Variants in USP32 observed in about 807,000 individuals in gnomAD.
USP32 encodes ubiquitin specific peptidase 32, also known as ubiquitin carboxyl-terminal hydrolase 32.
Under a neutral mutation model 204.8 loss-of-function variants are expected in USP32, and 59 were observed. The ratio of observed to expected loss-of-function variants is 0.29; its 90% CI spans 0.23 to 0.36. The LOEUF is 0.36. Among genes scored for constraint, USP32 ranks in the 10% least tolerant of loss-of-function variants. USP32 has a pLI of 1.00. For synonymous variants in USP32, 517 were observed against 678.4 expected (o/e 0.76, Z 3.70); for missense variants, 1,160 against 1,946.4 (o/e 0.60, Z 7.60).
chr17:60,190,824 T>G, intron 28 of USP32, 141 bp from the exon 29 acceptor site: 1 of 1,205,160 alleles, frequency 8.3e-7, no homozygotes, highest in Non-Finnish European at 1.1e-6. Context: ...AACTTCAGAC[T>G]CTGATAAATG....
intron 3 of USP32, among the ~76,000 whole-genome samples, chr17:60,295,085 C>G (rs1262533218): frequency 1.3e-5 from 2 of 152,068 alleles, no homozygotes; most frequent in Non-Finnish European, 2.9e-5. Flanking sequence ...AATAGGAGCA[C>G]AAATTATTGC....
chr17:60,366,706 T>A (rs966201742), intron 1 of USP32, among the ~76,000 whole-genome samples: 3 of 151,152 alleles, frequency 2.0e-5, no homozygotes, highest in Non-Finnish European at 4.4e-5. Context: ...CTTGAGACCA[T>A]CCTGGGAAAC....
chr17:60,226,136 A>G lies in USP32; in HGVS notation c.1335T>C (p.Asp445=). Residue 445 remains aspartate (D), a synonymous_variant, in exon 13 of 34, where the codon GAT becomes GAC. Coordinates refer to ENST00000300896, the MANE Select transcript of USP32 (RefSeq NM_032582.4). The part of the protein sequence containing the change: ...TAAHPMEQVE[D]RIGSSLSYVN... Reference sequence around the variant, plus strand: ...CGTAACTGAGGCTGCTTCCAATTCTATCTTCGACCTGCTCCATAGGATGGG... The same window carrying G: ...CGTAACTGAGGCTGCTTCCAATTCTGTCTTCGACCTGCTCCATAGGATGGG... 3 of 1,608,164 alleles carry G rather than the reference A, an allele frequency of 1.9e-6. No individual in the cohort carries two copies. Among genetic ancestry groups the G allele is most frequent in the Non-Finnish European group, 2.5e-6 (3 of 1,177,992 alleles).
intron 11 of USP32, among the ~76,000 whole-genome samples, chr17:60,251,685 C>T (rs1425052930): frequency 2.6e-5 from 4 of 152,058 alleles, no homozygotes; most frequent in African/African-American, 9.7e-5. Context: ...ATATGCATAC[C>T]TTTGTTTTTT....
At chr17:60,236,305 T>A in intron 11 of USP32, 65 bp from the exon 12 acceptor site, 1 of 1,368,144 alleles carries the variant, frequency 7.3e-7, no homozygotes. Flanking sequence ...CGCACAAAAA[T>A]TATCATTAGA....
Position 60,243,838 on chromosome 17 carries a change from A to G in USP32, c.1137-7598T>C, listed in dbSNP as rs533263786. 4.6e-5 allele frequency among the ~76,000 whole-genome samples: 7 copies of G among 152,174 alleles called. No homozygotes were observed. In the East Asian group the frequency reaches 1.4e-3, roughly 29 times the overall value. ...GCTGAAGGGTTCTGTTGGTGGGTGCATATATCATCATTTATCATAATAAAA... is the reference window on the plus strand; with the variant it reads ...GCTGAAGGGTTCTGTTGGTGGGTGCGTATATCATCATTTATCATAATAAAA... On this transcript the variant is annotated intron_variant, in intron 11 of 33. Transcript: ENST00000300896.
intron 6 of USP32, among the ~76,000 whole-genome samples, chr17:60,270,087 G>T (rs964332): frequency 0.067 from 10,239 of 152,122 alleles, 1,213 homozygotes; most frequent in African/African-American, 0.23. Flanking sequence ...TTGTACTGTT[G>T]AATCTTTTAT....
chr17:60,249,852 T>C, intron 11 of USP32: 2 of 350,392 alleles, frequency 5.7e-6, no homozygotes, highest in East Asian at 1.1e-4. Context: ...ATCACGATAC[T>C]TTTTTTTTTT....
chr17:60,274,420 T>C (rs754769171), intron 5 of USP32, among the ~76,000 whole-genome samples: 2 of 152,082 alleles, frequency 1.3e-5, no homozygotes, highest in Non-Finnish European at 2.9e-5. Flanking sequence ...GAAAACTATA[T>C]TCCCACAGAT....
Position 60,280,089 on chromosome 17 carries a change from GTTA to G in USP32, c.571+8431_571+8433del, listed in dbSNP as rs374214644. ...CTAAAATCTTGGGTAAATTGAGTAA[GTTA>G]TTATTATTATTATTATTTTTTGAGA... On this transcript the variant is annotated intron_variant, in intron 5 of 33. Transcript: ENST00000300896. Among the ~76,000 whole-genome samples the G allele has an allele frequency of 2.4e-4, 36 of 151,554 alleles. No homozygotes were observed. The South Asian group carries it at 4.6e-3, about 19-fold the overall frequency.
chr17:60,398,493 TAGAA>T (rs1183058156), intron 1 of USP32, among the ~76,000 whole-genome samples: 4 of 152,168 alleles, frequency 2.6e-5, no homozygotes. Flanking sequence ...CTGGGTTTCT[TAGAA>T]AGAGGAAGGA....
chr17:60,370,591 C>A lies in USP32; in HGVS notation c.58+21291G>T, dbSNP rs141841872. Reference sequence around the variant, plus strand: ...GCATGGGCAACATGGCAAAACCCTGCCTCTACAAAAAAAAATACAAAAAAA... The same window carrying A: ...GCATGGGCAACATGGCAAAACCCTGACTCTACAAAAAAAAATACAAAAAAA... On this transcript the variant is annotated intron_variant, in intron 1 of 33. Coordinates refer to ENST00000300896, the MANE Select transcript of USP32 (RefSeq NM_032582.4). Among the ~76,000 whole-genome samples the A allele has an allele frequency of 9.5e-3, 1,431 of 151,262 alleles. 32 individuals are homozygous for A. The highest frequency in any genetic ancestry group is 0.033 in the African/African-American group (1,376 of 41,226).
chr17:60,358,444 G>A (rs996044496), intron 1 of USP32, among the ~76,000 whole-genome samples: 1 of 151,872 alleles, frequency 6.6e-6, no homozygotes, highest in Non-Finnish European at 1.5e-5. Context: ...GTGTGGTGGC[G>A]GGTACCTGTA....
chr17:60,302,075 G>A (rs951853216), intron 2 of USP32, among the ~76,000 whole-genome samples: 13 of 152,006 alleles, frequency 8.6e-5, no homozygotes, highest in Admixed American at 8.5e-4. Flanking sequence ...GAAGGCTAAT[G>A]TAAGTGTTCT....
intron 7 of USP32, among the ~76,000 whole-genome samples, chr17:60,267,998 A>G (rs1011735387): frequency 4.0e-5 from 6 of 151,702 alleles, no homozygotes; most frequent in African/African-American, 1.5e-4. Flanking sequence ...TTTAGCCGAG[A>G]CTATGTTTCG....
At chr17:60,392,224 T>G, upstream of USP32, 7 of 399,302 alleles carry the variant, frequency 1.8e-5, no homozygotes, top group East Asian at 5.6e-5. Context: ...TCACGCCCTC[T>G]TGCCACTTCC....
chr17:60,381,817 C>T (rs1471305501), intron 1 of USP32, among the ~76,000 whole-genome samples: 1 of 152,156 alleles, frequency 6.6e-6, no homozygotes, highest in African/African-American at 2.4e-5. Context: ...AGGAATTATC[C>T]TGCAAAATTA....
At chr17:60,337,654 ACTGCTTGAGC>A (rs2088554004) in intron 2 of USP32, among the ~76,000 whole-genome samples, 1 of 152,078 alleles carries the variant, frequency 6.6e-6, no homozygotes, top group Non-Finnish European at 1.5e-5. Flanking sequence ...ATGAGGGAGG[ACTGCTTGAGC>A]CTAAGAGTTT....
chr17:60,232,954 C>A (rs1208233240), intron 12 of USP32, among the ~76,000 whole-genome samples: 2 of 152,160 alleles, frequency 1.3e-5, no homozygotes, highest in African/African-American at 4.8e-5. Flanking sequence ...CTAAGTGCTT[C>A]ACATGTATTA....
Sources: allele counts gnomAD v4.1 joint callset (sites outside exome capture counted in the v4.1 genomes callset), GRCh38; gene constraint gnomAD v4.1.1; transcripts MANE v1.5; gene names NCBI Gene and HGNC (gene_info 2026-07-23, HGNC 2026-07-21).